Variants in KCNH5 observed in about 807,000 individuals in gnomAD.
KCNH5 encodes the protein potassium voltage-gated channel subfamily H member 5.
In KCNH5, 46 loss-of-function variants were observed where a neutral mutation model predicts 96.1. The ratio of observed to expected loss-of-function variants is 0.48; its 90% CI spans 0.38 to 0.61. The LOEUF (loss-of-function observed/expected upper bound fraction) is 0.61. KCNH5 is among the 20% of genes least tolerant of loss of function. The pLI, the probability that KCNH5 is intolerant of heterozygous loss-of-function variation, is 0.00. For synonymous variants in KCNH5, 439 were observed against 449.8 expected, an observed-to-expected ratio of 0.98 and a Z score of 0.30; for missense variants, 907 against 1,225.8, an observed-to-expected ratio of 0.74 and a Z score of 3.88.
rs577831905 is a variant in KCNH5 at position 62,797,258 on chromosome 14, C to G, written c.1822+5071G>C. On this transcript the variant is annotated intron_variant, in intron 9 of 10. Transcript: ENST00000322893. The stretch of plus-strand genomic sequence containing the variant: ...TCCAAAACCTGCAGGCTGAGGAACT[C>G]TAAAAGTGTATATTTTGAACCATAG... Among the ~76,000 whole-genome samples the G allele has an allele frequency of 1.2e-3, 182 of 152,252 alleles. 2 individuals carry two copies. Among genetic ancestry groups the G allele is most frequent in the East Asian group, 1.7e-3 (9 of 5,190 alleles).
chr14:62,721,965 C>T (rs532387666), intron 10 of KCNH5, among the ~76,000 whole-genome samples: 4 of 152,252 alleles, frequency 2.6e-5, no homozygotes, highest in African/African-American at 4.8e-5. Context: ...GAATAAATGG[C>T]GAGAAAGCCC....
chr14:63,019,203 A>G (rs1439073597), intron 1 of KCNH5, among the ~76,000 whole-genome samples: 1 of 152,098 alleles, frequency 6.6e-6, no homozygotes, highest in Non-Finnish European at 1.5e-5. Context: ...AAGAGAGATA[A>G]ACATAAACAA....
At chr14:62,921,310 A>T (rs1337805473) in intron 7 of KCNH5, among the ~76,000 whole-genome samples, 1 of 152,152 alleles carries the variant, frequency 6.6e-6, no homozygotes, top group African/African-American at 2.4e-5. Flanking sequence ...ACTTTTCTAA[A>T]TAGAAAGAAG....
intron 10 of KCNH5, among the ~76,000 whole-genome samples, chr14:62,759,777 C>G (rs903568894): frequency 1.3e-5 from 2 of 152,064 alleles, no homozygotes; most frequent in Admixed American, 6.5e-5. Context: ...ACTCAGGAAC[C>G]CAACAACAGA....
intron 10 of KCNH5, among the ~76,000 whole-genome samples, chr14:62,752,027 T>G (rs1300952157): frequency 6.6e-6 from 1 of 152,180 alleles, no homozygotes; most frequent in Non-Finnish European, 1.5e-5. Context: ...AACCTTCTCA[T>G]AGTTAACAGG....
chr14:62,999,882 G>A (rs1890980439), intron 4 of KCNH5, among the ~76,000 whole-genome samples: 1 of 148,346 alleles, frequency 6.7e-6, no homozygotes, highest in Non-Finnish European at 1.5e-5. Context: ...AAAAAAAAGG[G>A]AAAAGAAAAA....
At chr14:62,906,919 C>T (rs148463871) in intron 7 of KCNH5, among the ~76,000 whole-genome samples, 2 of 152,234 alleles carry the variant, frequency 1.3e-5, no homozygotes, top group African/African-American at 4.8e-5. Context: ...TAGGGTGTCT[C>T]AAAAGCAAAA....
intron 8 of KCNH5, among the ~76,000 whole-genome samples, chr14:62,825,723 A>G (rs1044865695): frequency 6.6e-6 from 1 of 151,998 alleles, no homozygotes; most frequent in Non-Finnish European, 1.5e-5. Flanking sequence ...TTCTTTCTTC[A>G]TTCATTCATT....
In KCNH5 at chr14:62,728,201, C is replaced by A. The variant is rs149667277; in HGVS notation, c.2020-19746G>T. 3.9e-3 allele frequency among the ~76,000 whole-genome samples: 524 copies of A among 135,970 alleles called. 1 individual carries two copies. The highest frequency in any genetic ancestry group is 0.014 in the African/African-American group (511 of 36,898). 89.2% of individuals were successfully genotyped at this position (135,970 alleles called of 152,430 possible). ...TTCAAGACCAGCCTGGCCATCACGG[C>A]GAAACCCTATCTCTATTAAACTACA... On this transcript the variant is annotated intron_variant, in intron 10 of 10. Coordinates refer to ENST00000322893, the MANE Select transcript of KCNH5 (RefSeq NM_139318.5).
chr14:62,751,438 G>A (rs909630366), intron 10 of KCNH5, among the ~76,000 whole-genome samples: 1 of 152,176 alleles, frequency 6.6e-6, no homozygotes, highest in African/African-American at 2.4e-5. Flanking sequence ...TTGTCCAATG[G>A]GAGCTGTGGT....
In KCNH5 at chr14:62,932,889, A is replaced by T. The variant is rs1889607312; in HGVS notation, c.1369+17244T>A. Among the ~76,000 whole-genome samples, 3 of 152,348 alleles carry T rather than the reference A, an allele frequency of 2.0e-5. No homozygotes were observed. In the South Asian group the frequency reaches 6.2e-4, roughly 32 times the overall value. ...TAAATCTCTACCCAGACAAGCTATCAGTTAAGTGTAAGGATAAATGAAAGA... is the reference window on the plus strand; with the variant it reads ...TAAATCTCTACCCAGACAAGCTATCTGTTAAGTGTAAGGATAAATGAAAGA... On this transcript the variant is annotated intron_variant, in intron 7 of 10. Coordinates refer to ENST00000322893, the MANE Select transcript of KCNH5 (RefSeq NM_139318.5).
chr14:62,915,936 T>C (rs1236985422), intron 7 of KCNH5, among the ~76,000 whole-genome samples: 1 of 149,644 alleles, frequency 6.7e-6, no homozygotes, highest in Non-Finnish European at 1.5e-5. Context: ...AGGGTTTCTT[T>C]TTTTCTTTTT....
chr14:63,032,100 A>G, intron 1 of KCNH5, among the ~76,000 whole-genome samples: 1 of 132,438 alleles, frequency 7.6e-6, no homozygotes, highest in South Asian at 2.3e-4. Context: ...AAAGGACTTC[A>G]CAAAAAAAAA....
At chr14:62,835,846 G>A (rs977313837) in intron 8 of KCNH5, among the ~76,000 whole-genome samples, 3 of 151,420 alleles carry the variant, frequency 2.0e-5, no homozygotes, top group Non-Finnish European at 4.4e-5. Flanking sequence ...CTTTTGCTAC[G>A]TTTCAATTTT....
intron 10 of KCNH5, among the ~76,000 whole-genome samples, chr14:62,756,866 A>G (rs1595608776): frequency 6.6e-6 from 1 of 152,248 alleles, no homozygotes; most frequent in East Asian, 1.9e-4. Flanking sequence ...AACATTGTGG[A>G]AATTCTCCAG....
At chr14:62,936,350 TAG>T (rs370562868) in intron 7 of KCNH5, among the ~76,000 whole-genome samples, 10 of 150,610 alleles carry the variant, frequency 6.6e-5, no homozygotes, top group Admixed American at 1.3e-4. Flanking sequence ...AAAGAGCCAG[TAG>T]AGAGAGAGAG....
chr14:63,003,567 TTATATTTATATACATAATA>T, intron 3 of KCNH5, among the ~76,000 whole-genome samples: 1 of 131,370 alleles, frequency 7.6e-6, no homozygotes, highest in African/African-American at 2.8e-5. Context: ...TTATATATAT[TTATATTTATATACATAATA>T]TATATATTTA....
rs543624952 is a variant in KCNH5 at position 62,928,230 on chromosome 14, C to T, written c.1369+21903G>A. On this transcript the variant is annotated intron_variant, in intron 7 of 10. Transcript: ENST00000322893. The stretch of plus-strand genomic sequence containing the variant: ...TCCTGCAGAAGTCATGCGGTGATAA[C>T]CTCATTTCTTGCTTAATAGAGTTAA... Among the ~76,000 whole-genome samples, 5 of 152,112 alleles carry T rather than the reference C, an allele frequency of 3.3e-5. No individual in the cohort carries two copies. The South Asian group carries it at 1.0e-3, about 32-fold the overall frequency.
intron 7 of KCNH5, among the ~76,000 whole-genome samples, chr14:62,856,448 C>T (rs1332522367): frequency 6.6e-6 from 1 of 152,206 alleles, no homozygotes; most frequent in Admixed American, 6.5e-5. Context: ...GGCAGTAACG[C>T]TTAAGGCCTC....
Sources: gnomAD v4.1 joint callset for allele counts (sites outside exome capture counted in the v4.1 genomes callset) on GRCh38, gnomAD v4.1.1 for gene constraint, MANE v1.5 for transcripts, NCBI Gene and HGNC (gene_info 2026-07-23, HGNC 2026-07-21) for gene names.